The following RBFOX3 variants were observed in gnomAD, a reference collection of about 807,000 sequenced individuals.
The protein encoded by RBFOX3 is RNA binding fox-1 homolog 3.
In RBFOX3, 17 loss-of-function variants were observed where a neutral mutation model predicts 48.7. The ratio of observed to expected loss-of-function variants is 0.35; its 90% CI spans 0.24 to 0.52. The LOEUF (loss-of-function observed/expected upper bound fraction) is 0.52, where lower values mean the gene tolerates loss of function less well. RBFOX3 is among the 20% of genes least tolerant of loss of function. The probability of loss-of-function intolerance (pLI) is 0.94; values close to 1 mark genes in which losing one functional copy is unlikely to be tolerated. For missense variants in RBFOX3, 382 were observed against 497.5 expected, an observed-to-expected ratio of 0.77 and a Z score of 2.21; for synonymous variants, 212 against 209.5, an observed-to-expected ratio of 1.01 and a Z score of -0.10.
Position 79,392,527 on chromosome 17 carries a change from G to A in RBFOX3, c.-174-84703C>T, listed in dbSNP as rs1056107572. Among the ~76,000 whole-genome samples the A allele has an allele frequency of 1.3e-5, 2 of 152,154 alleles. No homozygotes were observed. The highest frequency in any genetic ancestry group is 2.4e-5 in the African/African-American group (1 of 41,406). On this transcript the variant is annotated intron_variant, in intron 2 of 14. Coordinates refer to ENST00000693108, the MANE Select transcript of RBFOX3 (RefSeq NM_001350451.2). This position sits in a 1 kb window ranked among gnomAD's most constrained non-coding sequence, Gnocchi z 5.0. ...TGGCTCCTGTTCCTGCTGGAGCCACGGGGAGCTGCCCTTCCCACCCACTTA... is the reference window on the plus strand; with the variant it reads ...TGGCTCCTGTTCCTGCTGGAGCCACAGGGAGCTGCCCTTCCCACCCACTTA...
At chr17:79,107,908 C>T (rs545323167) in intron 5 of RBFOX3, among the ~76,000 whole-genome samples, 3 of 152,326 alleles carry the variant, frequency 2.0e-5, no homozygotes, top group South Asian at 4.1e-4. Context: ...CCAGCTCCCG[C>T]GGGGTGCCCT....
chr17:79,316,213 C>A (rs2077522696), intron 2 of RBFOX3, among the ~76,000 whole-genome samples: 1 of 152,136 alleles, frequency 6.6e-6, no homozygotes, highest in Non-Finnish European at 1.5e-5. Context: ...AGGACGAGGC[C>A]ATGCAGTGGC....
intron 1 of RBFOX3, among the ~76,000 whole-genome samples, chr17:79,507,303 G>T (rs1313134469): frequency 6.6e-6 from 1 of 152,168 alleles, no homozygotes; most frequent in Non-Finnish European, 1.5e-5. Flanking sequence ...TTTAAATGGG[G>T]CAGTCACCCC....
chr17:79,422,399 C>T (rs1312961499), intron 2 of RBFOX3, among the ~76,000 whole-genome samples: 1 of 151,806 alleles, frequency 6.6e-6, no homozygotes, highest in Non-Finnish European at 1.5e-5. Context: ...CCTCCCTGTG[C>T]CCGGCCCTCC....
At chr17:79,541,438 A>G (rs1482604217) in intron 1 of RBFOX3, among the ~76,000 whole-genome samples, 1 of 152,214 alleles carries the variant, frequency 6.6e-6, no homozygotes, top group Non-Finnish European at 1.5e-5. Context: ...GAAGCTTACA[A>G]TGTACCACCA....
At chr17:79,194,317 C>T (rs1275335162) in intron 4 of RBFOX3, among the ~76,000 whole-genome samples, 1 of 152,080 alleles carries the variant, frequency 6.6e-6, no homozygotes, top group Middle Eastern at 3.2e-3. Context: ...TACAAACTGC[C>T]TCCTGGAAGC....
the RBFOX3 span, among the ~76,000 whole-genome samples, chr17:79,664,369 G>A: frequency 9.5e-5 from 14 of 146,632 alleles, no homozygotes; most frequent in East Asian, 2.2e-4. Flanking sequence ...TTTTTGAGAT[G>A]GAGTCTCGCT....
At chr17:79,202,089 C>T (rs1175261486) in intron 4 of RBFOX3, among the ~76,000 whole-genome samples, 1 of 152,144 alleles carries the variant, frequency 6.6e-6, no homozygotes, top group African/African-American at 2.4e-5. Flanking sequence ...TGACCTCGGT[C>T]CCCTGGGTGC....
chr17:79,615,617 G>T (rs987607696), upstream of RBFOX3, among the ~76,000 whole-genome samples: 1 of 152,208 alleles, frequency 6.6e-6, no homozygotes, highest in East Asian at 1.9e-4. Flanking sequence ...GTGCCCGGCC[G>T]GCTCGGGCCG....
chr17:79,449,144 C>A (rs925314667), intron 2 of RBFOX3, among the ~76,000 whole-genome samples: 1 of 152,100 alleles, frequency 6.6e-6, no homozygotes, highest in Admixed American at 6.5e-5. Flanking sequence ...GCAAACAAAA[C>A]CCCTGAAGCT....
At chr17:79,126,329 C>T (rs779993275) in intron 4 of RBFOX3, among the ~76,000 whole-genome samples, 1 of 152,214 alleles carries the variant, frequency 6.6e-6, no homozygotes, top group Non-Finnish European at 1.5e-5. Context: ...TCACCAAGAG[C>T]GTGTGGTGCC....
At chr17:79,098,687 GGGCTCCGGCTCCA>G (rs2075872801) in intron 9 of RBFOX3, 1 of 152,310 alleles carries the variant, frequency 6.6e-6, no homozygotes, top group South Asian at 2.1e-4. Flanking sequence ...GCCTTGCAGT[GGGCTCCGGCTCCA>G]GGCATTCCGA....
Position 79,361,377 on chromosome 17 carries a change from T to TC in RBFOX3, c.-174-53554dup, listed in dbSNP as rs879807352. ...TCTGTGCAGGTGGCATGAGCTTGCA[T>TC]CCCCCACTGCCTTCCTTGTGGAAAG... On this transcript the variant is annotated intron_variant, in intron 2 of 14. Transcript: ENST00000693108. The surrounding 1 kb of genome is among the most constrained non-coding windows in gnomAD (Gnocchi z 4.5). Among the ~76,000 whole-genome samples, 35 of 152,278 alleles carry TC rather than the reference T, an allele frequency of 2.3e-4. No individual in the cohort carries two copies. Among genetic ancestry groups the TC allele is most frequent in the South Asian group, 4.2e-4 (2 of 4,816 alleles).
At chr17:79,650,965 G>A in the RBFOX3 span, among the ~76,000 whole-genome samples, 1 of 152,182 alleles carries the variant, frequency 6.6e-6, no homozygotes, top group East Asian at 1.9e-4. Flanking sequence ...CAAGAGCCCT[G>A]CACCCGGGAC....
chr17:79,270,455 C>T lies in RBFOX3; in HGVS notation c.-73-34650G>A, dbSNP rs60929169. 2.3e-3 allele frequency among the ~76,000 whole-genome samples: 354 copies of T among 152,348 alleles called. 2 individuals are homozygous for T. The highest frequency in any genetic ancestry group is 8.1e-3 in the African/African-American group (337 of 41,588). On this transcript the variant is annotated intron_variant, in intron 3 of 14. Transcript: ENST00000693108. The stretch of plus-strand genomic sequence containing the variant: ...CCTCCCCTGTGTTGCTCAAGCCAAA[C>T]ACCTGTGACCCATCCACCATGCCTC...
At chr17:79,262,180 G>C (rs1298980391) in intron 3 of RBFOX3, among the ~76,000 whole-genome samples, 1 of 152,258 alleles carries the variant, frequency 6.6e-6, no homozygotes, top group Admixed American at 6.5e-5. Context: ...CACACAATGT[G>C]GCTAAGCGGC....
At chr17:79,420,877 G>A (rs1168577279) in intron 2 of RBFOX3, among the ~76,000 whole-genome samples, 2 of 152,316 alleles carry the variant, frequency 1.3e-5, no homozygotes, top group South Asian at 2.1e-4. Flanking sequence ...GTGGGGGCTG[G>A]TCTGGGGTCT....
chr17:79,174,013 T>C (rs2049963055), intron 4 of RBFOX3, among the ~76,000 whole-genome samples: 2 of 152,002 alleles, frequency 1.3e-5, no homozygotes, highest in South Asian at 4.2e-4. Context: ...AATTTGTTGG[T>C]CTAGTTCCTT....
At chr17:79,133,466 G>A (rs946370092) in intron 4 of RBFOX3, among the ~76,000 whole-genome samples, 4 of 152,276 alleles carry the variant, frequency 2.6e-5, no homozygotes, top group Admixed American at 2.6e-4. Flanking sequence ...CACCCCATGT[G>A]GTGTCATGGA....
Sources: gnomAD v4.1 joint callset for allele counts (sites outside exome capture counted in the v4.1 genomes callset) on GRCh38, gnomAD v4.1.1 for gene constraint, Gnocchi (gnomAD v3.1) non-coding constraint, MANE v1.5 for transcripts, NCBI Gene and HGNC (gene_info 2026-07-23, HGNC 2026-07-21) for gene names.